Variants in LHCGR observed in about 807,000 individuals in gnomAD.
The protein encoded by LHCGR is luteinizing hormone/choriogonadotropin receptor, also known as lutropin-choriogonadotropic hormone receptor.
Under a neutral mutation model 60.7 loss-of-function variants are expected in LHCGR, and 55 were observed. That is an observed-to-expected ratio of 0.91 (90% CI 0.73 to 1.13). The LOEUF (loss-of-function observed/expected upper bound fraction) is 1.13, where lower values mean the gene tolerates loss of function less well. LHCGR is among the 50% of genes most tolerant of loss of function. The probability of loss-of-function intolerance (pLI) is 0.00; values close to 1 mark genes in which losing one functional copy is unlikely to be tolerated. For missense variants in LHCGR, 862 were observed against 836.0 expected, an observed-to-expected ratio of 1.03 and a Z score of -0.38; for synonymous variants, 337 against 316.5, an observed-to-expected ratio of 1.06 and a Z score of -0.69.
chr2:48,751,113 G>T (rs1314391086), intron 1 of LHCGR, among the ~76,000 whole-genome samples: 1 of 152,176 alleles, frequency 6.6e-6, no homozygotes, highest in Non-Finnish European at 1.5e-5. Context: ...TGGAGGTGGA[G>T]TGGGGGTGGG....
Position 48,729,185 on chromosome 2 carries a change from A to G in LHCGR, c.276T>C (p.Asn92=), listed in dbSNP as rs1668874225. Residue 92 remains asparagine (N), a synonymous_variant, in exon 3 of 11, where the codon AAT becomes AAC. Coordinates refer to ENST00000294954, the MANE Select transcript of LHCGR (RefSeq NM_000233.4). ...QIDSLERIEA[N]AFDNLLNLSE... The stretch of plus-strand genomic sequence containing the variant: ...ACAAATTGAGGAGGTTGTCAAAGGC[A>G]TTAGCTTCTATCCTTTCCAGGGAAT... The G allele has an allele frequency of 1.2e-6, 2 of 1,612,256 alleles. No homozygotes were observed. The highest frequency in any genetic ancestry group is 1.7e-5 in the Admixed American group (1 of 60,006).
At chr2:48,704,061 C>T (rs1053102836) in intron 8 of LHCGR, among the ~76,000 whole-genome samples, 3 of 152,154 alleles carry the variant, frequency 2.0e-5, no homozygotes, top group African/African-American at 4.8e-5. Flanking sequence ...AGATACATTC[C>T]ATAAATACCT....
chr2:48,731,918 A>C (rs1300369171), intron 1 of LHCGR, among the ~76,000 whole-genome samples: 1 of 152,230 alleles, frequency 6.6e-6, no homozygotes, highest in Non-Finnish European at 1.5e-5. Flanking sequence ...ATTATTCCAA[A>C]GAGACAACTT....
At chr2:48,746,817 A>C (rs1308771922) in intron 1 of LHCGR, among the ~76,000 whole-genome samples, 1 of 152,260 alleles carries the variant, frequency 6.6e-6, no homozygotes, top group Non-Finnish European at 1.5e-5. Context: ...TAGCAATAAT[A>C]TAACATGACA....
At chr2:48,723,390 C>A in intron 6 of LHCGR, 66 bp downstream of exon 6, 1 of 1,142,082 alleles carries the variant, frequency 8.8e-7, no homozygotes, top group South Asian at 1.2e-5. Flanking sequence ...AAAAAGCTCA[C>A]CCCAACCTAG....
chr2:48,723,495 C>A lies in LHCGR; in HGVS notation c.497G>T (p.Gly166Val). 4 of 1,612,822 alleles carry A rather than the reference C, an allele frequency of 2.5e-6. No individual in the cohort carries two copies. Among genetic ancestry groups the A allele is most frequent in the Non-Finnish European group, 3.4e-6 (4 of 1,178,838 alleles). Residue 166 changes from glycine (G) to valine (V), a missense_variant, in exon 6 of 11, where the codon GGA (glycine) becomes GTA (valine). Transcript: ENST00000294954. Reference sequence around the variant, plus strand: ...ATTATTCATCCCTTGAAAAGCATTTCCTGGTATGGTGGTTATGTGTAAGTT... The same window carrying A: ...ATTATTCATCCCTTGAAAAGCATTTACTGGTATGGTGGTTATGTGTAAGTT... ...CDNLHITTIP[G>V]NAFQGMNNES...
chr2:48,731,264 A>G lies in LHCGR; in HGVS notation c.196T>C (p.Ser66Pro), dbSNP rs747749486. The change falls in exon 2 of 11, where the codon TCT becomes CCT. Residue 66 changes from serine to proline, a missense_variant. Physicochemically the swap from Ser to Pro is moderately conservative, Grantham distance 74 (BLOSUM62 -1). Transcript: ENST00000294954. The stretch of plus-strand genomic sequence containing the variant: ...TCATTAAGTCCTCTGAAAGCTTGAG[A>G]TGGGATCACTTTGACAGGGAGGTAG... ...LAYLPVKVIP[S>P]QAFRGLNEVI... is the part of the protein sequence containing the mutation. 1.2e-5 allele frequency: 20 copies of G among 1,612,100 alleles called. No homozygotes were observed. Among genetic ancestry groups the G allele is most frequent in the East Asian group, 2.2e-5 (1 of 44,850 alleles).
rs1348065650 is a variant in LHCGR at position 48,688,833 on chromosome 2, C to T, written c.964G>A (p.Ala322Thr). ...NNKTLYSSML[A>T]ESELSGWDYE... Reference sequence around the variant, plus strand: ...TCCCAGCCACTCAGTTCACTCTCAGCAAGCATGGAAGAATAACTGTAAGAA... The same window carrying T: ...TCCCAGCCACTCAGTTCACTCTCAGTAAGCATGGAAGAATAACTGTAAGAA... The change falls in exon 11 of 11, where the codon GCT (alanine) becomes ACT (threonine). Residue 322 changes from alanine (A) to threonine (T), a missense_variant. Transcript: ENST00000294954. The surrounding 1 kb of genome is among the most constrained non-coding windows in gnomAD (Gnocchi z 5.2). 3 of 1,613,922 alleles carry T rather than the reference C, an allele frequency of 1.9e-6. No homozygotes were observed. Among genetic ancestry groups the T allele is most frequent in the African/African-American group, 1.3e-5 (1 of 74,870 alleles).
intron 6 of LHCGR, among the ~76,000 whole-genome samples, chr2:48,722,324 G>A (rs1431807917): frequency 6.6e-6 from 1 of 152,198 alleles, no homozygotes; most frequent in Non-Finnish European, 1.5e-5. Flanking sequence ...ATGTACATGT[G>A]AATCACTTGG....
intron 10 of LHCGR, among the ~76,000 whole-genome samples, chr2:48,693,106 G>C (rs1384224133): frequency 6.6e-6 from 1 of 152,088 alleles, no homozygotes; most frequent in Non-Finnish European, 1.5e-5. Flanking sequence ...AAAGTCATGT[G>C]GTTGCAAAAG....
chr2:48,748,639 C>A (rs2103728927), intron 1 of LHCGR, among the ~76,000 whole-genome samples: 1 of 152,314 alleles, frequency 6.6e-6, no homozygotes, highest in South Asian at 2.1e-4. Flanking sequence ...ATTTACTGTT[C>A]AACCTCACAT....
intron 3 of LHCGR, 121 bp downstream of exon 3, chr2:48,729,032 T>A: frequency 1.2e-6 from 1 of 836,878 alleles, no homozygotes; most frequent in East Asian, 2.4e-5. Flanking sequence ...GACCTAGTAA[T>A]TGCTGTAGTC....
intron 7 of LHCGR, 34 bp from the exon 8 acceptor site, chr2:48,709,056 G>A (rs757456053): frequency 7.8e-6 from 12 of 1,533,364 alleles, no homozygotes; most frequent in Non-Finnish European, 9.9e-6. Context: ...AGTGGAGTTT[G>A]TACCTCATGT....
At chr2:48,754,854 G>C (rs1670133568) in intron 1 of LHCGR, among the ~76,000 whole-genome samples, 1 of 152,192 alleles carries the variant, frequency 6.6e-6, no homozygotes, top group Admixed American at 6.5e-5. Flanking sequence ...CCAGGTTGCT[G>C]ATGTATACAA....
intron 6 of LHCGR, among the ~76,000 whole-genome samples, chr2:48,715,751 T>C (rs1262132536): frequency 6.6e-6 from 1 of 152,180 alleles, no homozygotes; most frequent in African/African-American, 2.4e-5. Flanking sequence ...AACCAACATA[T>C]AAATAAAGGT....
At chr2:48,700,779 G>C (rs968140933) in intron 8 of LHCGR, among the ~76,000 whole-genome samples, 1 of 152,226 alleles carries the variant, frequency 6.6e-6, no homozygotes, top group African/African-American at 2.4e-5. Flanking sequence ...AGCAGAGAAA[G>C]CAGTGGGCAG....
At position 48,753,799 on chromosome 2, in the gene LHCGR, A is replaced by G. The variant is rs189726383; in HGVS notation, c.161+1712T>C. ...TCTTTGCTCAGTACTAATTTTGGAG[A>G]AACTGAGTGTGTGTGTGTGTGTGTG... On this transcript the variant is annotated intron_variant, in intron 1 of 10. Coordinates refer to ENST00000294954, the MANE Select transcript of LHCGR (RefSeq NM_000233.4). 2.4e-4 allele frequency among the ~76,000 whole-genome samples: 30 copies of G among 123,402 alleles called. No homozygotes were observed. The East Asian group carries it at 5.6e-3, about 23-fold the overall frequency. 81.0% of individuals were successfully genotyped at this position (123,402 alleles called of 152,430 possible).
At chr2:48,708,291 C>T (rs907086593) in intron 8 of LHCGR, among the ~76,000 whole-genome samples, 1 of 152,136 alleles carries the variant, frequency 6.6e-6, no homozygotes, top group Admixed American at 6.5e-5. Context: ...GATCTTTGGC[C>T]TTAGATTCCC....
intron 1 of LHCGR, among the ~76,000 whole-genome samples, chr2:48,752,981 C>CGGGGGGGGG (rs60837194): frequency 1.3e-4 from 1 of 7,616 alleles, no homozygotes; most frequent in African/African-American, 8.2e-4. Flanking sequence ...CGGATTTTGG[C>CGGGGGGGGG]GGGGGGGGGG....
Sources: gnomAD v4.1 joint callset for allele counts (sites outside exome capture counted in the v4.1 genomes callset) on GRCh38, gnomAD v4.1.1 for gene constraint, Gnocchi (gnomAD v3.1) non-coding constraint, MANE v1.5 for transcripts, NCBI Gene and HGNC (gene_info 2026-07-23, HGNC 2026-07-21) for gene names.